The following NBAS variants were observed in gnomAD, a reference collection of about 807,000 sequenced individuals.
The protein encoded by NBAS is NBAS subunit of NRZ tethering complex, also known as NAG/BC035112 fusion.
Under a neutral mutation model 302.5 loss-of-function variants are expected in NBAS, and 219 were observed. The observed-to-expected ratio is 0.72, with a 90% CI of 0.65 to 0.81. The LOEUF (loss-of-function observed/expected upper bound fraction) is 0.81. Ranked by LOEUF, NBAS falls within the 30% of genes least tolerant of loss-of-function variation. The pLI is 0.00. For missense variants in NBAS, 2,932 were observed against 2,841.6 expected (o/e 1.03, Z -0.72); for synonymous variants, 1,118 against 1,021.6 (o/e 1.09, Z -1.80).
intron 48 of NBAS, among the ~76,000 whole-genome samples, chr2:15,206,790 C>G (rs886415861): frequency 4.6e-5 from 7 of 152,218 alleles, no homozygotes; most frequent in Non-Finnish European, 8.8e-5. Flanking sequence ...TGCAGGTGTA[C>G]AGAAGACACA....
chr2:15,086,962 G>C, the NBAS span, among the ~76,000 whole-genome samples: 5 of 152,058 alleles, frequency 3.3e-5, no homozygotes, highest in African/African-American at 9.7e-5. Context: ...CAGAACAAAA[G>C]GCTGATACTC....
intron 50 of NBAS, among the ~76,000 whole-genome samples, chr2:15,183,101 A>G (rs1558416746): frequency 6.6e-6 from 1 of 152,214 alleles, no homozygotes; most frequent in South Asian, 2.1e-4. Flanking sequence ...GATATAAAAC[A>G]TTGTAGAACT....
the NBAS span, among the ~76,000 whole-genome samples, chr2:14,834,496 C>T: frequency 1.3e-5 from 2 of 152,092 alleles, no homozygotes; most frequent in South Asian, 2.1e-4. Context: ...ATCCATTATG[C>T]AATTATTGAA....
At chr2:15,461,535 G>A in intron 20 of NBAS, 152 bp downstream of exon 20, 1 of 739,046 alleles carries the variant, frequency 1.4e-6, no homozygotes, top group Non-Finnish European at 2.2e-6. Flanking sequence ...AACTCAGAAT[G>A]ATGGATATTA....
the NBAS span, among the ~76,000 whole-genome samples, chr2:14,965,350 T>C: frequency 2.6e-5 from 4 of 152,148 alleles, no homozygotes; most frequent in African/African-American, 9.7e-5. Flanking sequence ...AGAATTATTA[T>C]AGATTCTACA....
At chr2:14,882,982 T>C in the NBAS span, among the ~76,000 whole-genome samples, 13 of 152,202 alleles carry the variant, frequency 8.5e-5, no homozygotes, top group Non-Finnish European at 1.8e-4. Context: ...CTGGTGATAT[T>C]TGCCCACATA....
the NBAS span, among the ~76,000 whole-genome samples, chr2:14,783,231 A>G: frequency 1.3e-5 from 2 of 152,150 alleles, no homozygotes; most frequent in East Asian, 3.8e-4. Flanking sequence ...TTGTGACTAA[A>G]CGTACTGGAA....
chr2:15,101,555 T>C, the NBAS span, among the ~76,000 whole-genome samples: 2 of 152,018 alleles, frequency 1.3e-5, no homozygotes, highest in Non-Finnish European at 2.9e-5. Context: ...AAAAAAAGAA[T>C]TTTCATCTCC....
the NBAS span, among the ~76,000 whole-genome samples, chr2:15,046,968 C>A: frequency 6.6e-6 from 1 of 152,154 alleles, no homozygotes; most frequent in Non-Finnish European, 1.5e-5. Context: ...CAGCAAGACA[C>A]CACGGGCCTG....
the NBAS span, among the ~76,000 whole-genome samples, chr2:15,159,798 C>T: frequency 3.9e-5 from 5 of 128,334 alleles, no homozygotes; most frequent in South Asian, 2.8e-4. Context: ...CACACACACA[C>T]GCGTGCACAC....
the NBAS span, among the ~76,000 whole-genome samples, chr2:15,141,960 T>C: frequency 3.1e-4 from 47 of 152,222 alleles, no homozygotes; most frequent in Non-Finnish European, 5.6e-4. Flanking sequence ...AGATTCCCAT[T>C]GACTCTGAAG....
the NBAS span, among the ~76,000 whole-genome samples, chr2:14,791,197 G>A: frequency 6.6e-6 from 1 of 152,020 alleles, no homozygotes; most frequent in African/African-American, 2.4e-5. Context: ...CTCCGTGTTG[G>A]TCAGGCTGGT....
chr2:15,374,585 G>A lies in NBAS; in HGVS notation c.3703+23C>T, dbSNP rs767966852. 3.2e-6 allele frequency: 5 copies of A among 1,571,402 alleles called. No homozygotes were observed. In the South Asian group the frequency reaches 4.4e-5, roughly 14 times the overall value. ...TGCTGCAATATAAGTTAGTAACAATGCAACAGTAAGTAGAAAACTCACCTT... is the reference window on the plus strand; with the variant it reads ...TGCTGCAATATAAGTTAGTAACAATACAACAGTAAGTAGAAAACTCACCTT... On this transcript the variant is annotated intron_variant, in intron 31 of 51. Coordinates refer to ENST00000281513, the MANE Select transcript of NBAS (RefSeq NM_015909.4).
In NBAS at chr2:15,403,864, CGTGTGTGTGT is replaced by C. The variant is rs10624311; in HGVS notation, c.2938-1573_2938-1564del. On this transcript the variant is annotated intron_variant, in intron 25 of 51. Transcript: ENST00000281513. ...TTTCCTGATTTATTTTTCCTTCCTTCGTGTGTGTGTGTGTGTGTGTGTGTGTGTGTGTGTG... is the reference window on the plus strand; with the variant it reads ...TTTCCTGATTTATTTTTCCTTCCTTCGTGTGTGTGTGTGTGTGTGTGTGTG... 8.7e-3 allele frequency among the ~76,000 whole-genome samples: 1,177 copies of C among 135,432 alleles called. 18 individuals are homozygous for C. Among genetic ancestry groups the C allele is most frequent in the East Asian group, 0.064 (298 of 4,658 alleles). 88.8% of individuals were successfully genotyped at this position (135,432 alleles called of 152,430 possible).
intron 29 of NBAS, among the ~76,000 whole-genome samples, chr2:15,381,031 A>G (rs1675011157): frequency 6.6e-6 from 1 of 152,332 alleles, no homozygotes; most frequent in South Asian, 2.1e-4. Flanking sequence ...GAGCAACCCT[A>G]ATCACTTATA....
chr2:15,436,412 T>C (rs1678017416), intron 21 of NBAS, among the ~76,000 whole-genome samples: 1 of 152,134 alleles, frequency 6.6e-6, no homozygotes, highest in South Asian at 2.1e-4. Flanking sequence ...ATTAGCAAGC[T>C]TCCTGAAATG....
chr2:15,275,645 A>C lies in NBAS; in HGVS notation c.5563T>G (p.Phe1855Val). 1 of 1,614,222 alleles carries C rather than the reference A, an allele frequency of 6.2e-7. No individual in the cohort carries two copies. The highest frequency in any genetic ancestry group is 8.5e-7 in the Non-Finnish European group (1 of 1,180,040). ...ATGAGATGAGGGTCTCCAGTCCAGA[A>C]CAACTTCTGTAACCAGATGGTGTAC... is the stretch of plus-strand genomic sequence containing the variant. ...SLYTIWLQKL[F>V]WTGDPHLIKQ... Residue 1855 changes from phenylalanine to valine, a missense_variant, in exon 44 of 52, where the codon TTC becomes GTC. Physicochemically the swap from Phe to Val is conservative, Grantham distance 50. Transcript: ENST00000281513.
intron 44 of NBAS, among the ~76,000 whole-genome samples, chr2:15,247,244 C>A (rs1421998784): frequency 1.3e-5 from 2 of 152,106 alleles, no homozygotes; most frequent in African/African-American, 4.8e-5. Flanking sequence ...AAGCACTAAA[C>A]AAGGAAAGAA....
chr2:15,297,532 C>T (rs12993581), intron 40 of NBAS, among the ~76,000 whole-genome samples: 83,680 of 152,062 alleles, frequency 0.55, 24,630 homozygotes, highest in East Asian at 0.85. Context: ...CACTTCCCAC[C>T]TTGCTCTCTT....
Sources: gnomAD v4.1 joint callset for allele counts (sites outside exome capture counted in the v4.1 genomes callset) on GRCh38, gnomAD v4.1.1 for gene constraint, MANE v1.5 for transcripts, NCBI Gene and HGNC (gene_info 2026-07-23, HGNC 2026-07-21) for gene names.